Variants in MTUS2 observed in about 807,000 individuals in gnomAD.
MTUS2 encodes microtubule associated scaffold protein 2, also known as microtubule-associated tumor suppressor candidate 2.
In MTUS2, 40 loss-of-function variants were observed where a neutral mutation model predicts 114.1. The observed-to-expected ratio is 0.35, with a 90% CI of 0.27 to 0.46. MTUS2 has a LOEUF of 0.46. MTUS2 is among the 20% of genes least tolerant of loss of function. The pLI, the probability that MTUS2 is intolerant of heterozygous loss-of-function variation, is 1.00. For missense variants in MTUS2, 1,679 were observed against 1,705.4 expected, an observed-to-expected ratio of 0.98 and a Z score of 0.27; for synonymous variants, 688 against 672.0, an observed-to-expected ratio of 1.02 and a Z score of -0.37.
intron 8 of MTUS2, among the ~76,000 whole-genome samples, chr13:29,382,000 G>T (rs1281046205): frequency 6.6e-6 from 1 of 152,208 alleles, no homozygotes; most frequent in African/African-American, 2.4e-5. Context: ...TCAGAACGGG[G>T]AATACAACAG....
chr13:29,101,109 C>T, intron 5 of MTUS2, 139 bp downstream of exon 5: 2 of 1,014,828 alleles, frequency 2.0e-6, no homozygotes, highest in Non-Finnish European at 2.8e-6. Flanking sequence ...TGTTATTCAT[C>T]TACTGAAGAA....
chr13:29,263,470 C>T (rs1897551640), intron 5 of MTUS2, among the ~76,000 whole-genome samples: 1 of 152,060 alleles, frequency 6.6e-6, no homozygotes, highest in Non-Finnish European at 1.5e-5. Flanking sequence ...TTAGGCTGTT[C>T]TTGCATTGCC....
Position 28,886,285 on chromosome 13 carries a change from G to A in MTUS2, c.-243+46435G>A, listed in dbSNP as rs1245016711. Among the ~76,000 whole-genome samples the A allele has an allele frequency of 2.6e-5, 4 of 152,144 alleles. No individual in the cohort carries two copies. The East Asian group carries it at 7.7e-4, about 29-fold the overall frequency. Reference sequence around the variant, plus strand: ...TTAATTTTGAAAGGATCACTCAAGGGGTTTGCTGAGAAGAGATGGAAGGGG... The same window carrying A: ...TTAATTTTGAAAGGATCACTCAAGGAGTTTGCTGAGAAGAGATGGAAGGGG... On this transcript the variant is annotated intron_variant, in intron 2 of 15. Coordinates refer to ENST00000612955, the MANE Select transcript of MTUS2 (RefSeq NM_001033602.4).
At chr13:29,039,084 T>G (rs1211200018) in intron 4 of MTUS2, among the ~76,000 whole-genome samples, 3 of 152,170 alleles carry the variant, frequency 2.0e-5, no homozygotes, top group Non-Finnish European at 4.4e-5. Flanking sequence ...GGAGGAGCCT[T>G]GGGGAGGGGC....
At chr13:28,943,764 A>G (rs754459845) in intron 2 of MTUS2, among the ~76,000 whole-genome samples, 2 of 152,080 alleles carry the variant, frequency 1.3e-5, no homozygotes, top group Non-Finnish European at 2.9e-5. Context: ...AGAGCACCGG[A>G]TGCATAGGGA....
chr13:29,216,734 T>G (rs1895698352), intron 5 of MTUS2, among the ~76,000 whole-genome samples: 1 of 152,176 alleles, frequency 6.6e-6, no homozygotes, highest in Admixed American at 6.5e-5. Flanking sequence ...GTATTTCAGT[T>G]GGAAATGCAG....
At chr13:29,386,578 G>C (rs1428218319) in intron 8 of MTUS2, among the ~76,000 whole-genome samples, 1 of 152,228 alleles carries the variant, frequency 6.6e-6, no homozygotes, top group Non-Finnish European at 1.5e-5. Context: ...GAGGAGGCCT[G>C]GTTGAAAAGA....
chr13:29,217,424 C>T (rs569576517), intron 5 of MTUS2, among the ~76,000 whole-genome samples: 4 of 152,222 alleles, frequency 2.6e-5, no homozygotes, highest in South Asian at 2.1e-4. Context: ...TTTTTCAGTG[C>T]ATATAAAACT....
In MTUS2 at chr13:29,501,170, T is replaced by C. The variant is rs191712140; in HGVS notation, c.3872T>C (p.Ile1291Thr). The change falls in exon 15 of 16, where the codon ATT (isoleucine) becomes ACT (threonine). Residue 1291 changes from isoleucine to threonine, a missense_variant. Around this residue, in one of 3 missense-constraint regions of MTUS2, gnomAD observed 822 missense variants for 899.7 expected, o/e 0.91. Transcript: ENST00000612955. ...QQQNEDLKAR[I>T]DQNTVVTRQL... ...CAGAACGAAGACCTCAAAGCAAGGATTGACCAAAACACAGTTGTCACCAGG... is the reference window on the plus strand; with the variant it reads ...CAGAACGAAGACCTCAAAGCAAGGACTGACCAAAACACAGTTGTCACCAGG... 17 of 1,614,146 alleles carry C rather than the reference T, an allele frequency of 1.1e-5. No individual in the cohort carries two copies. Among genetic ancestry groups the C allele is most frequent in the Non-Finnish European group, 1.4e-5 (16 of 1,179,994 alleles).
intron 5 of MTUS2, among the ~76,000 whole-genome samples, chr13:29,146,696 G>C (rs1892447427): frequency 6.6e-6 from 1 of 152,144 alleles, no homozygotes; most frequent in Non-Finnish European, 1.5e-5. Context: ...ATGACTAAAT[G>C]CCAGTATAAA....
intron 5 of MTUS2, among the ~76,000 whole-genome samples, chr13:29,133,604 T>A (rs1030370823): frequency 5.9e-5 from 9 of 152,370 alleles, no homozygotes; most frequent in Admixed American, 4.6e-4. Context: ...TTTGTTGAAA[T>A]GATTTCCCTC....
intron 5 of MTUS2, among the ~76,000 whole-genome samples, chr13:29,225,875 A>G (rs901629004): frequency 5.9e-5 from 9 of 152,178 alleles, no homozygotes; most frequent in Non-Finnish European, 1.2e-4. Context: ...TTTTTCAACA[A>G]TTTGTCAACA....
chr13:29,322,205 T>C (rs1258257094), intron 6 of MTUS2, among the ~76,000 whole-genome samples: 3 of 152,234 alleles, frequency 2.0e-5, no homozygotes, highest in Non-Finnish European at 2.9e-5. Flanking sequence ...TGTTTTCCTT[T>C]AAGCACAAAA....
intron 4 of MTUS2, among the ~76,000 whole-genome samples, chr13:29,038,728 G>T (rs1887197481): frequency 6.6e-6 from 1 of 152,240 alleles, no homozygotes; most frequent in African/African-American, 2.4e-5. Context: ...CTTTCTTTCA[G>T]AGATGCCCTG....
At chr13:29,259,378 C>G (rs180970970) in intron 5 of MTUS2, among the ~76,000 whole-genome samples, 1 of 152,106 alleles carries the variant, frequency 6.6e-6, no homozygotes, top group Non-Finnish European at 1.5e-5. Flanking sequence ...TTCAAGTTCA[C>G]GAGGGACTGA....
intron 4 of MTUS2, among the ~76,000 whole-genome samples, chr13:29,067,231 G>A (rs1376502137): frequency 1.3e-5 from 2 of 152,144 alleles, no homozygotes; most frequent in Non-Finnish European, 2.9e-5. Context: ...GAATAGATGA[G>A]CAGATTCAGA....
rs141144487 is a variant in MTUS2, at chr13:29,365,510, T to TGTGTGTGTGTGTGTGTGTG, written c.3117+6037_3117+6038insGTGTGTGTGTGTGTGTGTG. Among the ~76,000 whole-genome samples, 5 of 146,942 alleles carry TGTGTGTGTGTGTGTGTGTG rather than the reference T, an allele frequency of 3.4e-5. No homozygotes were observed. In the East Asian group the frequency reaches 1.0e-3, roughly 30 times the overall value. ...CATCAATACGTTTTTTTGTTTGGGT[T>TGTGTGTGTGTGTGTGTGTG]TGTGTGTGTGTGTGTGTGTAATTAA... On this transcript the variant is annotated intron_variant, in intron 8 of 15. Coordinates refer to ENST00000612955, the MANE Select transcript of MTUS2 (RefSeq NM_001033602.4).
At chr13:29,346,609 A>AAGCAGGCGGGACTTTC (rs200334533) in intron 7 of MTUS2, among the ~76,000 whole-genome samples, 1 of 34,178 alleles carries the variant, frequency 2.9e-5, no homozygotes. Context: ...CCTGCTGAGA[A>AAGCAGGCGGGACTTTC]AGGTTTCACG....
chr13:28,842,409 C>T (rs142828763), intron 2 of MTUS2, among the ~76,000 whole-genome samples: 3 of 152,260 alleles, frequency 2.0e-5, no homozygotes, highest in Non-Finnish European at 4.4e-5. Context: ...AGCTGTGATA[C>T]TGAGCTAATA....
Sources: allele counts gnomAD v4.1 joint callset (sites outside exome capture counted in the v4.1 genomes callset), GRCh38; gene constraint gnomAD v4.1.1; regional missense constraint gnomAD v4.1.1; transcripts MANE v1.5; gene names NCBI Gene and HGNC (gene_info 2026-07-23, HGNC 2026-07-21).